FOCAD: variants seen among roughly 807,000 people sequenced by gnomAD.
The protein encoded by FOCAD is focadhesin.
A neutral mutation model predicts 225.6 loss-of-function variants in FOCAD; 198 were observed. The ratio of observed to expected loss-of-function variants is 0.88; its 90% CI spans 0.78 to 0.99. The LOEUF (loss-of-function observed/expected upper bound fraction) is 0.99. FOCAD is among the 50% of genes least tolerant of loss of function. FOCAD has a pLI of 0.00. For synonymous variants in FOCAD, 897 were observed against 755.0 expected (o/e 1.19, Z -3.08); for missense variants, 2,713 against 2,123.6 (o/e 1.28, Z -5.46).
At chr9:20,694,697 A>G (rs907544946) in intron 1 of FOCAD, 23 of 152,204 alleles carry the variant, frequency 1.5e-4, no homozygotes, top group African/African-American at 4.8e-4. Context: ...AATGAACTTA[A>G]TTTCAACAAC....
chr9:20,946,119 T>C (rs1204597016), intron 29 of FOCAD, among the ~76,000 whole-genome samples: 2 of 140,814 alleles, frequency 1.4e-5, no homozygotes, highest in African/African-American at 5.3e-5. Flanking sequence ...ATTCATTCAT[T>C]CATCAACATA....
intron 15 of FOCAD, among the ~76,000 whole-genome samples, chr9:20,849,648 G>A (rs1038779003): frequency 1.3e-5 from 2 of 151,830 alleles, no homozygotes; most frequent in Admixed American, 6.6e-5. Flanking sequence ...AATCATTAAC[G>A]TCATGGTTTA....
intron 5 of FOCAD, among the ~76,000 whole-genome samples, chr9:20,746,878 C>T (rs1302971693): frequency 6.6e-6 from 1 of 152,008 alleles, no homozygotes; most frequent in Non-Finnish European, 1.5e-5. Flanking sequence ...TGTTTCTCAT[C>T]CTTTCTTTGT....
At chr9:20,903,393 C>T (rs144556195) in intron 21 of FOCAD, among the ~76,000 whole-genome samples, 61 of 152,014 alleles carry the variant, frequency 4.0e-4, no homozygotes, top group East Asian at 2.1e-3. Context: ...GGATTGTTGA[C>T]GTCGCGTCTG....
intron 35 of FOCAD, among the ~76,000 whole-genome samples, chr9:20,969,650 C>A (rs1449573796): frequency 6.6e-6 from 1 of 150,868 alleles, no homozygotes; most frequent in Non-Finnish European, 1.5e-5. Context: ...TTGTTTTATG[C>A]ATTTGCCTTT....
intron 2 of FOCAD, among the ~76,000 whole-genome samples, chr9:20,659,372 A>G (rs1361226881): frequency 6.6e-6 from 1 of 151,560 alleles, no homozygotes; most frequent in Non-Finnish European, 1.5e-5. Context: ...GCGCCACTGC[A>G]CTCCAGCCTG....
At chr9:20,989,945 A>G (rs931440911) in intron 41 of FOCAD, among the ~76,000 whole-genome samples, 178 bp from the exon 42 acceptor site, 2 of 152,212 alleles carry the variant, frequency 1.3e-5, no homozygotes, top group Non-Finnish European at 2.9e-5. Flanking sequence ...TTCATTAAAC[A>G]TGGAAACTGA....
intron 8 of FOCAD, among the ~76,000 whole-genome samples, chr9:20,771,275 G>A (rs886973209): frequency 6.6e-6 from 1 of 152,170 alleles, no homozygotes; most frequent in African/African-American, 2.4e-5. Flanking sequence ...ACACAAATGA[G>A]TTTACATTTT....
At chr9:20,672,772 A>G (rs1822108462) in intron 2 of FOCAD, among the ~76,000 whole-genome samples, 1 of 152,254 alleles carries the variant, frequency 6.6e-6, no homozygotes, top group Non-Finnish European at 1.5e-5. Flanking sequence ...ATTTTTAAAA[A>G]TAACCAAAGA....
intron 1 of FOCAD, among the ~76,000 whole-genome samples, chr9:20,714,140 T>TA (rs889309929): frequency 1.1e-4 from 17 of 151,330 alleles, no homozygotes; most frequent in Admixed American, 7.9e-4. Flanking sequence ...GATTTGGATT[T>TA]AAAAAAAAAA....
At chr9:20,876,411 C>T (rs1258918605) in intron 19 of FOCAD, among the ~76,000 whole-genome samples, 1 of 152,066 alleles carries the variant, frequency 6.6e-6, no homozygotes, top group African/African-American at 2.4e-5. Context: ...CCATCACAGT[C>T]TCTGGTGTTA....
chr9:20,755,387 C>T (rs546447172), intron 5 of FOCAD, among the ~76,000 whole-genome samples: 99 of 152,306 alleles, frequency 6.5e-4, no homozygotes, highest in Non-Finnish European at 1.1e-3. Flanking sequence ...GGAGTGGCTC[C>T]CTCGGTATGC....
At chr9:20,932,016 G>A (rs1004722441) in intron 27 of FOCAD, among the ~76,000 whole-genome samples, 5 of 151,960 alleles carry the variant, frequency 3.3e-5, no homozygotes, top group Non-Finnish European at 7.4e-5. Flanking sequence ...CAGAAGCTGT[G>A]GAATGTTGTT....
Position 20,929,380 on chromosome 9 carries a change from C to A in FOCAD, c.3101C>A (p.Thr1034Lys). 6.2e-7 allele frequency: 1 copy of A among 1,614,076 alleles called. No individual in the cohort carries two copies. Among genetic ancestry groups the A allele is most frequent in the Middle Eastern group, 1.7e-4 (1 of 6,052 alleles). The change falls in exon 27 of 44, where the codon ACA becomes AAA. Residue 1034 changes from threonine (T) to lysine (K), a missense_variant. Physicochemically the swap from Thr to Lys is moderately conservative, Grantham distance 78 (BLOSUM62 -1). Coordinates refer to ENST00000338382, the MANE Select transcript of FOCAD (RefSeq NM_001375567.1). Reference sequence around the variant, plus strand: ...TAGAAGTCCTATTCTGGTGAAAACACAGCTAGTGCCATTGCCCGTTCTGCT... The same window carrying A: ...TAGAAGTCCTATTCTGGTGAAAACAAAGCTAGTGCCATTGCCCGTTCTGCT... Reference protein sequence around the residue: ...FYYKSYSGENTASAIARSAAA... With the variant: ...FYYKSYSGENKASAIARSAAA...
chr9:20,828,322 T>A (rs746061897), intron 15 of FOCAD, among the ~76,000 whole-genome samples: 9 of 152,088 alleles, frequency 5.9e-5, no homozygotes, highest in Non-Finnish European at 1.0e-4. Flanking sequence ...AACAATAGAA[T>A]ATATATTTAG....
At chr9:20,894,954 T>C (rs920443593) in intron 21 of FOCAD, among the ~76,000 whole-genome samples, 1 of 152,116 alleles carries the variant, frequency 6.6e-6, no homozygotes, top group Admixed American at 6.6e-5. Flanking sequence ...GTTACAGTAC[T>C]GTGTTTTACG....
intron 1 of FOCAD, among the ~76,000 whole-genome samples, chr9:20,701,691 A>G (rs1823965002): frequency 6.6e-6 from 1 of 152,214 alleles, no homozygotes; most frequent in Non-Finnish European, 1.5e-5. Context: ...GATGTGGGAG[A>G]TGTATTGCTG....
intron 8 of FOCAD, among the ~76,000 whole-genome samples, chr9:20,772,904 A>G (rs1314467387): frequency 6.6e-6 from 1 of 151,424 alleles, no homozygotes; most frequent in Non-Finnish European, 1.5e-5. Context: ...GTAGATATAT[A>G]TATGTATAAT....
intron 11 of FOCAD, among the ~76,000 whole-genome samples, chr9:20,791,016 C>A (rs1820471507): frequency 6.6e-6 from 1 of 152,096 alleles, no homozygotes; most frequent in Admixed American, 6.6e-5. Flanking sequence ...TTTATCTCTC[C>A]TTTTATTTCC....
Sources: gnomAD v4.1 joint callset for allele counts (sites outside exome capture counted in the v4.1 genomes callset) on GRCh38, gnomAD v4.1.1 for gene constraint, MANE v1.5 for transcripts, NCBI Gene and HGNC (gene_info 2026-07-23, HGNC 2026-07-21) for gene names.